Variants in CHD6 observed in about 807,000 individuals in gnomAD.
The protein encoded by CHD6 is ATP-dependent chromatin remodeler CHD6.
Under a neutral mutation model 276.9 loss-of-function variants are expected in CHD6, and 50 were observed. The observed-to-expected ratio is 0.18, with a 90% CI of 0.14 to 0.23. The LOEUF is 0.23. Ranked by LOEUF, CHD6 falls within the 10% of genes least tolerant of loss-of-function variation. CHD6 has a pLI of 1.00. For synonymous variants in CHD6, 1,173 were observed against 1,229.3 expected (o/e 0.95, Z 0.96); for missense variants, 2,564 against 3,365.8 (o/e 0.76, Z 5.89).
intron 3 of CHD6, among the ~76,000 whole-genome samples, chr20:41,527,107 C>T (rs2044558151): frequency 6.6e-6 from 1 of 152,166 alleles, no homozygotes; most frequent in Non-Finnish European, 1.5e-5. Flanking sequence ...CCCTCACCAA[C>T]AACATGAACA....
At chr20:41,584,986 G>T (rs2045578492) in intron 1 of CHD6, among the ~76,000 whole-genome samples, 1 of 151,842 alleles carries the variant, frequency 6.6e-6, no homozygotes, top group Non-Finnish European at 1.5e-5. Flanking sequence ...GTCGTGAAAA[G>T]GAAAGAAACC....
intron 5 of CHD6, among the ~76,000 whole-genome samples, chr20:41,504,416 T>C (rs2043926246): frequency 6.8e-6 from 1 of 147,120 alleles, no homozygotes; most frequent in East Asian, 2.0e-4. Context: ...TTTTTTTTTT[T>C]TTTTTTTTTT....
chr20:41,582,871 C>T (rs2045555298), intron 1 of CHD6, among the ~76,000 whole-genome samples: 1 of 151,974 alleles, frequency 6.6e-6, no homozygotes, highest in Non-Finnish European at 1.5e-5. Flanking sequence ...CTCATAAGAA[C>T]ACTCTACACA....
chr20:41,511,359 A>T (rs1369650584), intron 5 of CHD6, among the ~76,000 whole-genome samples: 1 of 152,226 alleles, frequency 6.6e-6, no homozygotes, highest in Non-Finnish European at 1.5e-5. Flanking sequence ...TCCTACATGC[A>T]CAGCCTGCTT....
Position 41,566,255 on chromosome 20 carries a change from T to A in CHD6, c.-23-14895A>T, listed in dbSNP as rs545946462. 2.6e-5 allele frequency among the ~76,000 whole-genome samples: 4 copies of A among 152,248 alleles called. No homozygotes were observed. The South Asian group carries it at 8.3e-4, about 32-fold the overall frequency. ...CAGAAACTCAACCATGAAATCACTA[T>A]GCCATGTACTCTCCCTGACAGATTG... On this transcript the variant is annotated intron_variant, in intron 1 of 36. Transcript: ENST00000373233.
chr20:41,490,090 TGAAAA>T, intron 11 of CHD6, 69 bp from the exon 12 acceptor site: 1 of 1,312,822 alleles, frequency 7.6e-7, no homozygotes, highest in Non-Finnish European at 1.1e-6. Flanking sequence ...GGTTATAACT[TGAAAA>T]GATGCTTCAC....
At chr20:41,508,859 T>C (rs1315401050) in intron 5 of CHD6, among the ~76,000 whole-genome samples, 2 of 152,104 alleles carry the variant, frequency 1.3e-5, no homozygotes, top group African/African-American at 2.4e-5. Context: ...AACAAAAGCC[T>C]GGGAGAAAAG....
At position 41,404,044 on chromosome 20, in the gene CHD6, A is replaced by T; in HGVS notation, c.*549T>A. ...TAAAGAAATGAATATATGTATTTTC[A>T]ACCATTAGTTATATACTTCTGTCTA... is the stretch of plus-strand genomic sequence containing the variant. On this transcript the variant is annotated 3_prime_UTR_variant, in exon 37 of 37. Transcript: ENST00000373233. The T allele has an allele frequency of 1.0e-5, 11 of 1,047,724 alleles. No individual in the cohort carries two copies. The highest frequency in any genetic ancestry group is 1.3e-5 in the Non-Finnish European group (11 of 867,284). The allele number at this position is 1,047,724 out of a possible 1,614,324, so 64.9% of individuals were successfully genotyped here.
chr20:41,559,244 T>C (rs369409369), intron 1 of CHD6, among the ~76,000 whole-genome samples: 5 of 152,112 alleles, frequency 3.3e-5, no homozygotes, highest in Non-Finnish European at 7.4e-5. Flanking sequence ...TCCTAGCAGG[T>C]GTGCAATAAG....
intron 1 of CHD6, among the ~76,000 whole-genome samples, chr20:41,607,659 G>T (rs974664558): frequency 2.0e-5 from 3 of 151,888 alleles, no homozygotes; most frequent in Non-Finnish European, 4.4e-5. Flanking sequence ...ATGAAGACAC[G>T]GGTCTTGCTC....
intron 5 of CHD6, among the ~76,000 whole-genome samples, chr20:41,499,662 AC>A (rs1217384195): frequency 4.6e-5 from 7 of 152,190 alleles, no homozygotes; most frequent in Non-Finnish European, 2.9e-5. Context: ...TTGCAAAACT[AC>A]CTACATGTTG....
At chr20:41,535,150 A>G (rs2044798271) in intron 2 of CHD6, among the ~76,000 whole-genome samples, 2 of 152,152 alleles carry the variant, frequency 1.3e-5, no homozygotes, top group African/African-American at 4.8e-5. Flanking sequence ...TTTTCAGCTC[A>G]TATCTCATGT....
chr20:41,574,646 G>C (rs1488341935), intron 1 of CHD6, among the ~76,000 whole-genome samples: 1 of 152,094 alleles, frequency 6.6e-6, no homozygotes, highest in East Asian at 1.9e-4. Flanking sequence ...TGAGTCTAAA[G>C]AATATGCAGA....
At chr20:41,609,384 C>CAA (rs2045861970) in intron 1 of CHD6, among the ~76,000 whole-genome samples, 1 of 152,146 alleles carries the variant, frequency 6.6e-6, no homozygotes, top group South Asian at 2.1e-4. Context: ...ATGTTGTGCC[C>CAA]CATAATCAGT....
chr20:41,513,146 A>G, intron 4 of CHD6, 151 bp from the exon 5 acceptor site: 2 of 867,408 alleles, frequency 2.3e-6, no homozygotes, highest in Non-Finnish European at 3.6e-6. Flanking sequence ...TTTTAATAAA[A>G]GGACTAAATT....
intron 1 of CHD6, among the ~76,000 whole-genome samples, chr20:41,607,644 G>C (rs947305833): frequency 2.6e-5 from 4 of 152,050 alleles, no homozygotes; most frequent in African/African-American, 4.8e-5. Context: ...GAAAGAGAAG[G>C]CTCCATGAAG....
rs2046899085 is a variant in CHD6 at position 41,413,341 on chromosome 20, C to T, written c.7114G>A (p.Val2372Ile). The T allele has an allele frequency of 2.5e-6, 4 of 1,608,284 alleles. No individual in the cohort carries two copies. The highest frequency in any genetic ancestry group is 3.4e-6 in the Non-Finnish European group (4 of 1,177,928). Residue 2372 changes from valine to isoleucine, a missense_variant, in exon 35 of 37, where the codon GTT becomes ATT. This residue lies in a region of CHD6 where 1,024 missense variants were observed against 1,047.9 expected (regional missense o/e 0.98). Coordinates refer to ENST00000373233, the MANE Select transcript of CHD6 (RefSeq NM_032221.5). Reference protein sequence around the residue: ...LRQQADYSLEVPGFGANFSDK... With the variant: ...LRQQADYSLEIPGFGANFSDK... ...ACACTTACTGCCCCAAAGCCAGGAA[C>T]TTCTAAGGAGTAGTCAGCCTGCTGC...
intron 23 of CHD6, among the ~76,000 whole-genome samples, chr20:41,450,650 G>A (rs1421750758): frequency 6.6e-6 from 1 of 152,150 alleles, no homozygotes; most frequent in Non-Finnish European, 1.5e-5. Flanking sequence ...TGACCTCAGG[G>A]GCAGAGGATG....
chr20:41,540,270 A>G (rs2044916334), intron 2 of CHD6, among the ~76,000 whole-genome samples: 1 of 152,264 alleles, frequency 6.6e-6, no homozygotes, highest in African/African-American at 2.4e-5. Context: ...ACATGTAAAC[A>G]GAAATGGCAA....
Sources: allele counts gnomAD v4.1 joint callset (sites outside exome capture counted in the v4.1 genomes callset), GRCh38; gene constraint gnomAD v4.1.1; regional missense constraint gnomAD v4.1.1; transcripts MANE v1.5; gene names NCBI Gene and HGNC (gene_info 2026-07-23, HGNC 2026-07-21).